The following PTPRT variants were observed in gnomAD, a reference collection of about 807,000 sequenced individuals.
PTPRT encodes the protein receptor-type tyrosine-protein phosphatase T.
A neutral mutation model predicts 176.8 loss-of-function variants in PTPRT; 56 were observed. The ratio of observed to expected loss-of-function variants is 0.32; its 90% CI spans 0.26 to 0.40. PTPRT has a LOEUF of 0.40. Among genes scored for constraint, PTPRT ranks in the 10% least tolerant of loss-of-function variants. The pLI, the probability that PTPRT is intolerant of heterozygous loss-of-function variation, is 1.00. For missense variants in PTPRT, 1,540 were observed against 1,908.2 expected (o/e 0.81, Z 3.60); for synonymous variants, 783 against 739.0 (o/e 1.06, Z -0.96).
chr20:42,184,544 T>C (rs1411507571), intron 16 of PTPRT, among the ~76,000 whole-genome samples: 3 of 101,860 alleles, frequency 2.9e-5, no homozygotes, highest in Non-Finnish European at 5.7e-5. Context: ...CCTCTTCCTC[T>C]TCTTCTTCTT....
Position 42,120,003 on chromosome 20 carries a change from T to A in PTPRT, c.2848-32A>T. 2 of 1,591,346 alleles carry A rather than the reference T, an allele frequency of 1.3e-6. 1 individual carries two copies. The highest frequency in any genetic ancestry group is 2.3e-5 in the South Asian group (2 of 88,394). The stretch of plus-strand genomic sequence containing the variant: ...AACAGGAGAAAAGCACTGTGAAGAG[T>A]CTGTTGTCAAAGCTTGCAAACAGCA... On this transcript the variant is annotated intron_variant, in intron 19 of 30. Coordinates refer to ENST00000373187, the MANE Select transcript of PTPRT (RefSeq NM_007050.6).
chr20:42,130,890 T>C (rs1988093156), intron 18 of PTPRT, among the ~76,000 whole-genome samples: 1 of 152,176 alleles, frequency 6.6e-6, no homozygotes, highest in Non-Finnish European at 1.5e-5. Context: ...AAACTTTACA[T>C]GCATTATCTC....
At chr20:43,145,162 A>G (rs2014133439) in intron 1 of PTPRT, among the ~76,000 whole-genome samples, 1 of 152,224 alleles carries the variant, frequency 6.6e-6, no homozygotes, top group African/African-American at 2.4e-5. Flanking sequence ...ATGTCTGATC[A>G]ACAAGGAAAC....
chr20:42,112,684 T>G (rs1987066249), intron 22 of PTPRT, among the ~76,000 whole-genome samples: 1 of 152,106 alleles, frequency 6.6e-6, no homozygotes, highest in Admixed American at 6.5e-5. Flanking sequence ...CACCCCATCC[T>G]GGCTCTCTCA....
chr20:42,126,535 G>T (rs1180609943), intron 19 of PTPRT, among the ~76,000 whole-genome samples: 1 of 152,192 alleles, frequency 6.6e-6, no homozygotes, highest in African/African-American at 2.4e-5. Context: ...AACCCTTCTT[G>T]CCTGGCTGGC....
At chr20:42,305,561 A>G (rs924987357) in intron 12 of PTPRT, among the ~76,000 whole-genome samples, 2 of 152,186 alleles carry the variant, frequency 1.3e-5, no homozygotes, top group African/African-American at 4.8e-5. Flanking sequence ...AAGATACTTC[A>G]AAGTTTTCCA....
chr20:42,776,781 A>T (rs2077142947), intron 4 of PTPRT, among the ~76,000 whole-genome samples: 1 of 148,416 alleles, frequency 6.7e-6, no homozygotes, highest in African/African-American at 2.4e-5. Context: ...ATATAAATGT[A>T]AATTATATGA....
intron 17 of PTPRT, among the ~76,000 whole-genome samples, chr20:42,152,639 C>T (rs1989186894): frequency 6.6e-6 from 1 of 152,198 alleles, no homozygotes; most frequent in African/African-American, 2.4e-5. Context: ...TCTATTCCTC[C>T]CAGCTGTGAG....
Position 42,074,221 on chromosome 20 carries a change from C to A in PTPRT, c.*6658G>T. On this transcript the variant is annotated 3_prime_UTR_variant, in exon 31 of 31. Transcript: ENST00000373187. ...CATTATTCATCTTCCATGGGAGATA[C>A]AGGGACAGGGTGGACACTGAGAGTT... 4.4e-6 allele frequency: 1 copy of A among 228,046 alleles called. No individual in the cohort carries two copies. Among genetic ancestry groups the A allele is most frequent in the East Asian group, 6.3e-5 (1 of 15,918 alleles). The allele number at this position is 228,046 out of a possible 1,614,324, so 14.1% of individuals were successfully genotyped here.
intron 3 of PTPRT, among the ~76,000 whole-genome samples, chr20:42,790,123 A>G (rs7268984): frequency 0.12 from 18,920 of 152,176 alleles, 1,258 homozygotes; most frequent in South Asian, 0.21. Context: ...ACTGCTTTAT[A>G]ATGATGGTTG....
chr20:42,874,077 T>C (rs1197439321), intron 2 of PTPRT, among the ~76,000 whole-genome samples: 1 of 152,106 alleles, frequency 6.6e-6, no homozygotes, highest in African/African-American at 2.4e-5. Flanking sequence ...GCCCAATCGG[T>C]TGAATGGTCC....
chr20:43,073,292 T>C (rs891933146), intron 1 of PTPRT, among the ~76,000 whole-genome samples: 2 of 152,186 alleles, frequency 1.3e-5, no homozygotes, highest in African/African-American at 2.4e-5. Flanking sequence ...TGTACATGTT[T>C]TCCCATATTT....
At chr20:42,144,766 G>A (rs1988787342) in intron 17 of PTPRT, among the ~76,000 whole-genome samples, 1 of 152,002 alleles carries the variant, frequency 6.6e-6, no homozygotes, top group Non-Finnish European at 1.5e-5. Flanking sequence ...AACACCTTCA[G>A]TCTACACAGC....
chr20:42,693,873 C>A (rs911358734), intron 6 of PTPRT, among the ~76,000 whole-genome samples: 4 of 152,076 alleles, frequency 2.6e-5, no homozygotes, highest in African/African-American at 9.7e-5. Context: ...CACCTCCCTC[C>A]CCACTTCCCC....
intron 7 of PTPRT, among the ~76,000 whole-genome samples, chr20:42,522,600 A>G (rs1217163260): frequency 2.0e-5 from 3 of 152,052 alleles, no homozygotes; most frequent in Non-Finnish European, 1.5e-5. Context: ...AGCTGGGACT[A>G]TAGGTGTGTG....
At chr20:42,179,821 G>A (rs1022627454) in intron 16 of PTPRT, among the ~76,000 whole-genome samples, 2 of 152,218 alleles carry the variant, frequency 1.3e-5, no homozygotes, top group Admixed American at 1.3e-4. Flanking sequence ...GGGGGCTGGA[G>A]CAATCACCAT....
intron 1 of PTPRT, among the ~76,000 whole-genome samples, chr20:43,153,375 T>G (rs1303176333): frequency 6.6e-6 from 1 of 152,146 alleles, no homozygotes; most frequent in Non-Finnish European, 1.5e-5. Context: ...GAGGTAGAAA[T>G]TTTTACTTAT....
chr20:42,599,202 G>T (rs1053309800), intron 7 of PTPRT, among the ~76,000 whole-genome samples: 1 of 152,288 alleles, frequency 6.6e-6, no homozygotes, highest in East Asian at 1.9e-4. Context: ...CCATACTCTG[G>T]CTTGGACAAC....
chr20:42,974,687 T>A (rs1331351015), intron 1 of PTPRT, among the ~76,000 whole-genome samples: 4 of 152,220 alleles, frequency 2.6e-5, no homozygotes, highest in South Asian at 2.1e-4. Flanking sequence ...CCACTACGGC[T>A]AGAGACAGAG....
Sources: allele counts gnomAD v4.1 joint callset (sites outside exome capture counted in the v4.1 genomes callset), GRCh38; gene constraint gnomAD v4.1.1; transcripts MANE v1.5; gene names NCBI Gene and HGNC (gene_info 2026-07-23, HGNC 2026-07-21).